Variants in SORCS1 observed in about 807,000 individuals in gnomAD.
SORCS1 encodes VPS10 domain-containing receptor SorCS1.
In SORCS1, 60 loss-of-function variants were observed where a neutral mutation model predicts 146.1. The ratio of observed to expected loss-of-function variants is 0.41; its 90% CI spans 0.33 to 0.51. The LOEUF is 0.51. Ranked by LOEUF, SORCS1 falls within the 20% of genes least tolerant of loss-of-function variation. The probability of loss-of-function intolerance (pLI) is 0.21; values close to 1 mark genes in which losing one functional copy is unlikely to be tolerated. For synonymous variants in SORCS1, 637 were observed against 584.0 expected (o/e 1.09, Z -1.31); for missense variants, 1,352 against 1,487.6 (o/e 0.91, Z 1.50).
intron 2 of SORCS1, among the ~76,000 whole-genome samples, chr10:106,905,393 T>C (rs1362791429): frequency 6.6e-6 from 1 of 152,154 alleles, no homozygotes; most frequent in Non-Finnish European, 1.5e-5. Flanking sequence ...AATACATTTC[T>C]AAGAAAAAAG....
intron 1 of SORCS1, among the ~76,000 whole-genome samples, chr10:107,009,072 G>T (rs1957578614): frequency 6.6e-6 from 1 of 152,224 alleles, no homozygotes; most frequent in Non-Finnish European, 1.5e-5. Flanking sequence ...GTCATACAGA[G>T]ATACCAGGAA....
chr10:106,959,582 G>GA lies in SORCS1; in HGVS notation c.559-3003dup, dbSNP rs1353520590. ...TCACTACATTTAAATGAGAAAATGT[G>GA]AAAAAATGAAATTGCCTCCCTATTC... On this transcript the variant is annotated intron_variant, in intron 1 of 25. Coordinates refer to ENST00000263054, the MANE Select transcript of SORCS1 (RefSeq NM_052918.5). Among the ~76,000 whole-genome samples the GA allele has an allele frequency of 4.6e-5, 7 of 152,246 alleles. No homozygotes were observed. The East Asian group carries it at 1.2e-3, about 25-fold the overall frequency.
At chr10:106,611,148 G>A (rs191591101) in intron 22 of SORCS1, among the ~76,000 whole-genome samples, 1 of 151,878 alleles carries the variant, frequency 6.6e-6, no homozygotes, top group East Asian at 1.9e-4. Context: ...TTCTCTAATT[G>A]CCAGTGACAT....
At chr10:107,119,704 A>C (rs1304291631) in intron 1 of SORCS1, among the ~76,000 whole-genome samples, 1 of 152,224 alleles carries the variant, frequency 6.6e-6, no homozygotes, top group Non-Finnish European at 1.5e-5. Flanking sequence ...AGATTAACCT[A>C]GTTGTCCATG....
chr10:106,621,339 G>C (rs1032896572), intron 19 of SORCS1, among the ~76,000 whole-genome samples: 4 of 151,958 alleles, frequency 2.6e-5, no homozygotes, highest in African/African-American at 9.7e-5. Flanking sequence ...CTGTTTCCAG[G>C]CAAAATGCAG....
At chr10:106,726,183 C>CTT (rs1441040131) in intron 6 of SORCS1, among the ~76,000 whole-genome samples, 1 of 63,520 alleles carries the variant, frequency 1.6e-5, no homozygotes, top group Admixed American at 1.2e-4. Context: ...CTCTTTCCCT[C>CTT]TCTTTTTTTT....
intron 1 of SORCS1, among the ~76,000 whole-genome samples, chr10:107,020,551 T>C (rs1958083563): frequency 6.6e-6 from 1 of 152,224 alleles, no homozygotes; most frequent in African/African-American, 2.4e-5. Flanking sequence ...CATAATCTAT[T>C]AACAGTGATC....
intron 2 of SORCS1, among the ~76,000 whole-genome samples, chr10:106,956,023 G>C (rs907362019): frequency 6.6e-6 from 1 of 151,974 alleles, no homozygotes; most frequent in Non-Finnish European, 1.5e-5. Context: ...CCAGCTACTC[G>C]GGAGGCTGAG....
intron 14 of SORCS1, among the ~76,000 whole-genome samples, chr10:106,674,042 C>T (rs1337948347): frequency 3.3e-5 from 5 of 150,974 alleles, no homozygotes; most frequent in East Asian, 2.0e-4. Flanking sequence ...GTAGGCCAGG[C>T]GTGGTGGCTC....
intron 1 of SORCS1, among the ~76,000 whole-genome samples, chr10:107,131,109 A>G (rs1047540425): frequency 1.3e-5 from 2 of 152,156 alleles, no homozygotes; most frequent in Non-Finnish European, 2.9e-5. Context: ...TCCAGGTCCT[A>G]TATACACTCT....
intron 1 of SORCS1, among the ~76,000 whole-genome samples, chr10:107,007,221 G>A (rs2139688651): frequency 6.6e-6 from 1 of 152,354 alleles, no homozygotes; most frequent in South Asian, 2.1e-4. Context: ...CTCCTCCCAA[G>A]GCAGAGAGGG....
chr10:107,081,215 G>C (rs1442129957), intron 1 of SORCS1, among the ~76,000 whole-genome samples: 1 of 152,064 alleles, frequency 6.6e-6, no homozygotes, highest in Non-Finnish European at 1.5e-5. Flanking sequence ...ACAACTCAAT[G>C]GATAATGGTA....
At chr10:106,952,212 T>C (rs552796182) in intron 2 of SORCS1, among the ~76,000 whole-genome samples, 4 of 152,302 alleles carry the variant, frequency 2.6e-5, no homozygotes, top group African/African-American at 9.6e-5. Flanking sequence ...GGTTAAAGCC[T>C]TCTTCCTTGG....
At chr10:107,169,419 G>T, upstream of SORCS1, among the ~76,000 whole-genome samples, 1 of 152,238 alleles carries the variant, frequency 6.6e-6, no homozygotes, top group East Asian at 1.9e-4. Context: ...TACAGACCTA[G>T]CTCTGAATCC....
intron 9 of SORCS1, among the ~76,000 whole-genome samples, chr10:106,697,816 T>C (rs1853821950): frequency 2.0e-5 from 3 of 152,184 alleles, no homozygotes; most frequent in Admixed American, 2.0e-4. Flanking sequence ...ATCGCTAGGA[T>C]TTAAGCACAA....
At chr10:106,822,298 G>C (rs186185090) in intron 3 of SORCS1, among the ~76,000 whole-genome samples, 8 of 152,098 alleles carry the variant, frequency 5.3e-5, no homozygotes, top group African/African-American at 1.9e-4. Context: ...GCAATTTCGG[G>C]TATAGGTCAG....
At chr10:106,714,082 G>A (rs1401891432) in intron 6 of SORCS1, among the ~76,000 whole-genome samples, 4 of 133,300 alleles carry the variant, frequency 3.0e-5, no homozygotes, top group Admixed American at 8.7e-5. Flanking sequence ...ATTGCAGTAA[G>A]CTGGGATCAC....
Position 106,575,585 on chromosome 10 carries a change from C to T in SORCS1, c.*1835G>A, listed in dbSNP as rs781411001. The T allele has an allele frequency of 4.6e-5, 7 of 152,376 alleles. No individual in the cohort carries two copies. Among genetic ancestry groups the T allele is most frequent in the African/African-American group, 9.7e-5 (4 of 41,428 alleles). 9.4% of individuals were successfully genotyped at this position (152,376 alleles called of 1,614,324 possible). A position where few individuals can be genotyped will look rare whatever the true frequency, so the allele number is the denominator to read the frequency against. On this transcript the variant is annotated 3_prime_UTR_variant, in exon 26 of 26. Transcript: ENST00000263054. ...TTCTCTGAGCCTTCTTTCATGATTA[C>T]CCTGGGAAAAATGGGGTTTCTTCAT...
chr10:106,845,918 C>T (rs1213986996), intron 2 of SORCS1, among the ~76,000 whole-genome samples: 2 of 120,954 alleles, frequency 1.7e-5, no homozygotes, highest in Non-Finnish European at 3.9e-5. Context: ...TTTCTGAGGG[C>T]TCTGTTCTGT....
Sources: allele counts gnomAD v4.1 joint callset (sites outside exome capture counted in the v4.1 genomes callset), GRCh38; gene constraint gnomAD v4.1.1; transcripts MANE v1.5; gene names NCBI Gene and HGNC (gene_info 2026-07-23, HGNC 2026-07-21).